The following CHST11 variants were observed in gnomAD, a reference collection of about 807,000 sequenced individuals.
CHST11 encodes carbohydrate sulfotransferase 11, also known as C4S-1.
Under a neutral mutation model 30.4 loss-of-function variants are expected in CHST11, and 9 were observed. The observed-to-expected ratio is 0.30, with a 90% CI of 0.18 to 0.52. The LOEUF (loss-of-function observed/expected upper bound fraction) is 0.52. Among genes scored for constraint, CHST11 ranks in the 20% least tolerant of loss-of-function variants. The probability of loss-of-function intolerance (pLI) is 0.97; values close to 1 mark genes in which losing one functional copy is unlikely to be tolerated. For missense variants in CHST11, 348 were observed against 460.6 expected (o/e 0.76, Z 2.24); for synonymous variants, 152 against 187.8 (o/e 0.81, Z 1.56).
At chr12:104,535,841 A>G (rs559050332) in intron 1 of CHST11, among the ~76,000 whole-genome samples, 16 of 152,252 alleles carry the variant, frequency 1.1e-4, no homozygotes, top group Non-Finnish European at 1.8e-4. Context: ...ATGCATAGAC[A>G]TATGAAAGAG....
At chr12:104,576,900 C>G (rs368571538) in intron 1 of CHST11, among the ~76,000 whole-genome samples, 3 of 152,252 alleles carry the variant, frequency 2.0e-5, no homozygotes. Flanking sequence ...GGAGGAGGAA[C>G]TGGGGACAGG....
intron 1 of CHST11, among the ~76,000 whole-genome samples, chr12:104,578,874 A>G (rs1241811831): frequency 6.6e-6 from 1 of 152,238 alleles, no homozygotes; most frequent in Non-Finnish European, 1.5e-5. Flanking sequence ...GGTAAAAGCT[A>G]GGAAAATGTT....
intron 2 of CHST11, among the ~76,000 whole-genome samples, chr12:104,688,107 C>T (rs893603645): frequency 6.6e-6 from 1 of 152,182 alleles, no homozygotes; most frequent in Non-Finnish European, 1.5e-5. Flanking sequence ...ATTGGCATCC[C>T]TGTGTGCGCG....
At chr12:104,604,141 G>A (rs912824425) in intron 2 of CHST11, among the ~76,000 whole-genome samples, 3 of 152,254 alleles carry the variant, frequency 2.0e-5, no homozygotes, top group Middle Eastern at 3.4e-3. Flanking sequence ...TTGTAAACCA[G>A]TCATAGAAGA....
At chr12:104,599,446 G>A (rs1003587808) in intron 1 of CHST11, among the ~76,000 whole-genome samples, 7 of 152,202 alleles carry the variant, frequency 4.6e-5, no homozygotes, top group South Asian at 4.1e-4. Context: ...ATAATTTTAC[G>A]AGTTTTATGG....
chr12:104,671,094 G>A (rs11112156), intron 2 of CHST11, among the ~76,000 whole-genome samples: 4,662 of 152,302 alleles, frequency 0.031, 143 homozygotes, highest in East Asian at 0.19. Flanking sequence ...GAGATGAGAT[G>A]GTAGAGAATG....
intron 2 of CHST11, among the ~76,000 whole-genome samples, chr12:104,741,251 G>A (rs1299465115): frequency 6.6e-6 from 1 of 152,194 alleles, no homozygotes; most frequent in Non-Finnish European, 1.5e-5. Context: ...CTTGGTGGTG[G>A]TGGTTACTGG....
chr12:104,574,343 C>T (rs1325410868), intron 1 of CHST11, among the ~76,000 whole-genome samples: 1 of 152,136 alleles, frequency 6.6e-6, no homozygotes, highest in Non-Finnish European at 1.5e-5. Flanking sequence ...CCATTTGACC[C>T]AGCCATCCCA....
At chr12:104,494,329 T>G (rs1593969499) in intron 1 of CHST11, among the ~76,000 whole-genome samples, 1 of 152,174 alleles carries the variant, frequency 6.6e-6, no homozygotes, top group East Asian at 1.9e-4. Flanking sequence ...CCTCTTAGTG[T>G]CTATAGCCCG....
At chr12:104,491,276 C>A (rs2037742728) in intron 1 of CHST11, among the ~76,000 whole-genome samples, 1 of 152,118 alleles carries the variant, frequency 6.6e-6, no homozygotes, top group African/African-American at 2.4e-5. Flanking sequence ...CTCATTTGAT[C>A]TGGAGTTTTC....
At chr12:104,670,546 CACACTCCCACACAT>C (rs1204023214) in intron 2 of CHST11, among the ~76,000 whole-genome samples, 1 of 151,834 alleles carries the variant, frequency 6.6e-6, no homozygotes, top group Non-Finnish European at 1.5e-5. Context: ...CACTTACACA[CACACTCCCACACAT>C]ACACACCCAC....
rs2040444923 is a variant in CHST11 at position 104,752,838 on chromosome 12, C to CT, written c.205-4108dup. Among the ~76,000 whole-genome samples, 3 of 152,294 alleles carry CT rather than the reference C, an allele frequency of 2.0e-5. No individual in the cohort carries two copies. The South Asian group carries it at 6.2e-4, about 32-fold the overall frequency. On this transcript the variant is annotated intron_variant, in intron 2 of 2. Coordinates refer to ENST00000303694, the MANE Select transcript of CHST11 (RefSeq NM_018413.6). ...GCCACCACGCCTGGCCTAGAAATTTCTTTAACTAGAGGGGTCTTCCTGCTT... is the reference window on the plus strand; with the variant it reads ...GCCACCACGCCTGGCCTAGAAATTTCTTTTAACTAGAGGGGTCTTCCTGCTT...
chr12:104,536,891 A>G (rs1355423550), intron 1 of CHST11, among the ~76,000 whole-genome samples: 1 of 152,170 alleles, frequency 6.6e-6, no homozygotes, highest in African/African-American at 2.4e-5. Context: ...TTGATGGCTG[A>G]AGGGATAGTT....
chr12:104,755,916 C>T (rs915271633), intron 2 of CHST11, among the ~76,000 whole-genome samples: 6 of 152,070 alleles, frequency 3.9e-5, no homozygotes, highest in Non-Finnish European at 5.9e-5. Context: ...TCGGGACCCC[C>T]CCCTCCGGTT....
chr12:104,660,067 A>C (rs1017234018), intron 2 of CHST11, among the ~76,000 whole-genome samples: 4 of 152,206 alleles, frequency 2.6e-5, no homozygotes, highest in African/African-American at 9.7e-5. Context: ...AGCTCACATT[A>C]TACTTCTATT....
chr12:104,627,939 A>G (rs12818283), intron 2 of CHST11, among the ~76,000 whole-genome samples: 1,991 of 152,258 alleles, frequency 0.013, 15 homozygotes, highest in Middle Eastern at 0.044. Context: ...CATTATTTCA[A>G]TCATCACAAC....
intron 2 of CHST11, among the ~76,000 whole-genome samples, chr12:104,643,999 G>A (rs1424070998): frequency 6.6e-6 from 1 of 152,182 alleles, no homozygotes; most frequent in Non-Finnish European, 1.5e-5. Flanking sequence ...AACCTCTTAG[G>A]TCTCTCTGCC....
intron 2 of CHST11, among the ~76,000 whole-genome samples, chr12:104,641,263 G>A (rs2039374014): frequency 6.6e-6 from 1 of 152,194 alleles, no homozygotes; most frequent in African/African-American, 2.4e-5. Context: ...TGCCACAAAT[G>A]TGAATGCAAA....
intron 2 of CHST11, among the ~76,000 whole-genome samples, chr12:104,725,204 A>G (rs866778049): frequency 6.6e-6 from 1 of 152,242 alleles, no homozygotes. Context: ...ATGAAATGAC[A>G]GTAGCTGTGC....
Sources: gnomAD v4.1 joint callset for allele counts (sites outside exome capture counted in the v4.1 genomes callset) on GRCh38, gnomAD v4.1.1 for gene constraint, MANE v1.5 for transcripts, NCBI Gene and HGNC (gene_info 2026-07-23, HGNC 2026-07-21) for gene names.